COL24A1: variants seen among roughly 807,000 people sequenced by gnomAD.
COL24A1 encodes the protein collagen type XXIV alpha 1 chain.
Under a neutral mutation model 253.9 loss-of-function variants are expected in COL24A1, and 224 were observed. The observed-to-expected ratio is 0.88, with a 90% CI of 0.79 to 0.99. COL24A1 has a LOEUF of 0.99. COL24A1 is among the 50% of genes least tolerant of loss of function. The pLI is 0.00. For missense variants in COL24A1, 2,131 were observed against 2,068.5 expected (o/e 1.03, Z -0.59); for synonymous variants, 685 against 673.7 (o/e 1.02, Z -0.26).
At chr1:86,094,482 G>A (rs1292881042) in intron 5 of COL24A1, among the ~76,000 whole-genome samples, 1 of 134,992 alleles carries the variant, frequency 7.4e-6, no homozygotes, top group East Asian at 2.0e-4. Context: ...ACAGACATAG[G>A]GTGGGAGGTG....
chr1:85,756,383 C>A (rs950360070), intron 55 of COL24A1, among the ~76,000 whole-genome samples: 1 of 151,940 alleles, frequency 6.6e-6, no homozygotes, highest in African/African-American at 2.4e-5. Flanking sequence ...CGCACCACTG[C>A]ACTCCAGCTT....
chr1:85,969,654 T>C lies in COL24A1; in HGVS notation c.2463+573A>G, dbSNP rs182935053. Among the ~76,000 whole-genome samples the C allele has an allele frequency of 2.3e-4, 32 of 142,024 alleles. No homozygotes were observed. In the East Asian group the frequency reaches 6.5e-3, roughly 29 times the overall value. 93.2% of individuals were successfully genotyped at this position (142,024 alleles called of 152,430 possible). A position where few individuals can be genotyped will look rare whatever the true frequency, so the allele number is the denominator to read the frequency against. On this transcript the variant is annotated intron_variant, in intron 22 of 59. Transcript: ENST00000370571. Reference sequence around the variant, plus strand: ...AAAAAAAGGAAGAACCAGTACTTTATGATGTTGTCAAGAAAAGAAATGAGA... The same window carrying C: ...AAAAAAAGGAAGAACCAGTACTTTACGATGTTGTCAAGAAAAGAAATGAGA...
intron 7 of COL24A1, among the ~76,000 whole-genome samples, chr1:86,087,071 A>C (rs1703113585): frequency 6.6e-6 from 1 of 152,166 alleles, no homozygotes; most frequent in African/African-American, 2.4e-5. Flanking sequence ...CCTTATCTCA[A>C]GAAGATCCTG....
At chr1:85,924,684 G>T (rs888888581) in intron 24 of COL24A1, among the ~76,000 whole-genome samples, 9 of 152,116 alleles carry the variant, frequency 5.9e-5, no homozygotes. Context: ...AATAATAAGA[G>T]CTATTTATGA....
At chr1:85,981,786 C>CTA (rs1693276916) in intron 20 of COL24A1, among the ~76,000 whole-genome samples, 1 of 152,088 alleles carries the variant, frequency 6.6e-6, no homozygotes, top group Admixed American at 6.6e-5. Flanking sequence ...TAAAACACTC[C>CTA]TATAACTCAA....
intron 39 of COL24A1, among the ~76,000 whole-genome samples, chr1:85,845,312 A>G (rs1417125213): frequency 6.6e-6 from 1 of 151,898 alleles, no homozygotes; most frequent in Non-Finnish European, 1.5e-5. Flanking sequence ...ATAAAATTCA[A>G]CATCTACTAT....
At chr1:85,999,368 T>C (rs937619008) in intron 19 of COL24A1, among the ~76,000 whole-genome samples, 5 of 152,086 alleles carry the variant, frequency 3.3e-5, no homozygotes, top group African/African-American at 9.7e-5. Context: ...CTCACACCTG[T>C]AGTCCCAGCA....
chr1:85,844,469 T>C (rs1290759047), intron 39 of COL24A1, among the ~76,000 whole-genome samples: 1 of 151,950 alleles, frequency 6.6e-6, no homozygotes, highest in Non-Finnish European at 1.5e-5. Flanking sequence ...ATAAAATAAA[T>C]GGGCCAGACA....
At chr1:86,000,053 G>A (rs17128651) in intron 19 of COL24A1, among the ~76,000 whole-genome samples, 15,809 of 152,186 alleles carry the variant, frequency 0.1, 1,516 homozygotes, top group East Asian at 0.43. Flanking sequence ...AATCCACCAT[G>A]CATTAACCTA....
chr1:86,061,339 A>G (rs1436204388), intron 8 of COL24A1, among the ~76,000 whole-genome samples: 2 of 152,098 alleles, frequency 1.3e-5, no homozygotes, highest in Non-Finnish European at 2.9e-5. Context: ...TGCCAACAGA[A>G]AGGAGTAAGA....
At chr1:85,732,539 T>C (rs560353986) in intron 59 of COL24A1, among the ~76,000 whole-genome samples, 7 of 152,302 alleles carry the variant, frequency 4.6e-5, no homozygotes, top group South Asian at 2.1e-4. Context: ...ATGCCTGGGA[T>C]TGATTTCTTG....
At chr1:86,128,433 T>C (rs1271509314) in intron 2 of COL24A1, among the ~76,000 whole-genome samples, 2 of 151,992 alleles carry the variant, frequency 1.3e-5, no homozygotes, top group African/African-American at 4.8e-5. Flanking sequence ...TTAAAGTATA[T>C]ATGATCATAA....
At chr1:86,107,762 C>T (rs1400202918) in intron 5 of COL24A1, among the ~76,000 whole-genome samples, 2 of 151,986 alleles carry the variant, frequency 1.3e-5, no homozygotes, top group Non-Finnish European at 2.9e-5. Flanking sequence ...GTCTCGATCT[C>T]CTGACCTCGT....
At chr1:86,010,947 A>C (rs1431479618) in intron 19 of COL24A1, among the ~76,000 whole-genome samples, 1 of 152,158 alleles carries the variant, frequency 6.6e-6, no homozygotes, top group Non-Finnish European at 1.5e-5. Flanking sequence ...CTCACAAGAA[A>C]GATACACCAG....
chr1:85,755,009 C>T (rs1396689554), intron 55 of COL24A1, among the ~76,000 whole-genome samples: 2 of 152,092 alleles, frequency 1.3e-5, no homozygotes, highest in Non-Finnish European at 2.9e-5. Context: ...ACATCATAAT[C>T]AAACTATCTA....
intron 19 of COL24A1, among the ~76,000 whole-genome samples, chr1:85,993,574 A>G (rs1001657680): frequency 2.0e-5 from 3 of 152,078 alleles, no homozygotes; most frequent in Admixed American, 6.6e-5. Flanking sequence ...ACAGAAATAA[A>G]GTATTATATA....
chr1:85,919,354 T>C (rs561460926), intron 24 of COL24A1, among the ~76,000 whole-genome samples: 9 of 152,304 alleles, frequency 5.9e-5, no homozygotes, highest in African/African-American at 1.9e-4. Context: ...CAAGTGCTAA[T>C]GACCCTAAGA....
At chr1:86,144,112 G>A (rs1489552718) in intron 2 of COL24A1, among the ~76,000 whole-genome samples, 1 of 151,910 alleles carries the variant, frequency 6.6e-6, no homozygotes, top group Non-Finnish European at 1.5e-5. Flanking sequence ...AAGTCTGAGA[G>A]GTTTTCTAAA....
Position 86,065,087 on chromosome 1 carries a change from A to C in COL24A1, c.1708-1328T>G, listed in dbSNP as rs1486389974. On this transcript the variant is annotated intron_variant, in intron 7 of 59. Transcript: ENST00000370571. ...TGGTGGTGGCTCCCTGGGATGAGGC[A>C]GCAGCTCTAGGAGGGTGTGAGCTGG... is the stretch of plus-strand genomic sequence containing the variant. 3.3e-5 allele frequency among the ~76,000 whole-genome samples: 5 copies of C among 152,176 alleles called. No individual in the cohort carries two copies. In the East Asian group the frequency reaches 9.6e-4, roughly 29 times the overall value.
Sources: gnomAD v4.1 joint callset for allele counts (sites outside exome capture counted in the v4.1 genomes callset) on GRCh38, gnomAD v4.1.1 for gene constraint, MANE v1.5 for transcripts, NCBI Gene and HGNC (gene_info 2026-07-23, HGNC 2026-07-21) for gene names.